Variants in DIPK1A observed in about 807,000 individuals in gnomAD.
DIPK1A encodes the protein family with sequence similarity 69 member A.
DIPK1A carries 27 observed loss-of-function variants against 40.8 expected under a neutral mutation model. The ratio of observed to expected loss-of-function variants is 0.66; its 90% confidence interval spans 0.49 to 0.91. The LOEUF is 0.91. DIPK1A is among the 40% of genes least tolerant of loss of function. DIPK1A has a pLI of 0.00. For synonymous variants in DIPK1A, 166 were observed against 171.3 expected, an observed-to-expected ratio of 0.97 and a Z score of 0.24; for missense variants, 412 against 505.7, an observed-to-expected ratio of 0.81 and a Z score of 1.78.
At chr1:92,840,517 G>A (rs1038622079), downstream of DIPK1A, 2 of 1,530,350 alleles carry the variant, frequency 1.3e-6, no homozygotes, top group Admixed American at 1.7e-5. Flanking sequence ...CACATGAAAT[G>A]AAACCAAGTA....
At chr1:92,852,461 T>C (rs1303329754) in intron 2 of DIPK1A, among the ~76,000 whole-genome samples, 1 of 151,390 alleles carries the variant, frequency 6.6e-6, no homozygotes, top group Non-Finnish European at 1.5e-5. Context: ...GATCACACCA[T>C]TGCACTCCAG....
chr1:92,892,232 A>G (rs1648923892), intron 1 of DIPK1A, among the ~76,000 whole-genome samples: 1 of 152,126 alleles, frequency 6.6e-6, no homozygotes, highest in Admixed American at 6.5e-5. Flanking sequence ...CTGACTCCCG[A>G]GTAGCCTAAC....
chr1:92,897,647 A>G (rs1274124609), intron 1 of DIPK1A, among the ~76,000 whole-genome samples: 1 of 107,068 alleles, frequency 9.3e-6, no homozygotes, highest in African/African-American at 3.8e-5. Flanking sequence ...CCTAAAACTT[A>G]AAGTATAATA....
intron 1 of DIPK1A, among the ~76,000 whole-genome samples, chr1:92,946,337 T>C (rs1651360553): frequency 6.6e-6 from 1 of 152,092 alleles, no homozygotes; most frequent in Admixed American, 6.5e-5. Flanking sequence ...AAAATATAAA[T>C]GTTATCAACT....
intron 2 of DIPK1A, among the ~76,000 whole-genome samples, chr1:92,857,457 G>A (rs1266412373): frequency 6.6e-6 from 1 of 151,774 alleles, no homozygotes; most frequent in Non-Finnish European, 1.5e-5. Flanking sequence ...GAATAGCTAG[G>A]ATTATAGGAA....
chr1:92,945,231 G>A (rs1171702492), intron 1 of DIPK1A, among the ~76,000 whole-genome samples: 1 of 151,958 alleles, frequency 6.6e-6, no homozygotes, highest in Admixed American at 6.6e-5. Context: ...GAAAAAATAA[G>A]GCTATGATAA....
downstream of DIPK1A, among the ~76,000 whole-genome samples, chr1:92,839,847 CT>C (rs539843617): frequency 2.1e-3 from 307 of 146,554 alleles, 6 homozygotes; most frequent in South Asian, 0.034. Flanking sequence ...TGTTTTCTTA[CT>C]TTTTTTTTTT....
At position 92,842,607 on chromosome 1, in the gene DIPK1A, C is replaced by G. The variant is rs1687420248; in HGVS notation, c.*776G>C. On this transcript the variant is annotated 3_prime_UTR_variant, in exon 5 of 5. Transcript: ENST00000370310. ...TCTGCTATAATTTATTTTAGTCTTG[C>G]ACTTACAGTCCCACTTTCACATAGT... 7.5e-6 allele frequency: 7 copies of G among 927,374 alleles called. No homozygotes were observed. The South Asian group carries it at 3.8e-4, about 51-fold the overall frequency. 57.4% of individuals were successfully genotyped at this position (927,374 alleles called of 1,614,324 possible). A position where few individuals can be genotyped will look rare whatever the true frequency, so the allele number is the denominator to read the frequency against.
intron 4 of DIPK1A, chr1:92,834,763 TTC>T (rs774233666): frequency 1.2e-6 from 2 of 1,612,444 alleles, no homozygotes; most frequent in South Asian, 2.2e-5. Flanking sequence ...CTAACCTAGT[TTC>T]TCTCTTACTA....
At chr1:92,924,948 T>C (rs1426194375) in intron 1 of DIPK1A, among the ~76,000 whole-genome samples, 1 of 152,246 alleles carries the variant, frequency 6.6e-6, no homozygotes, top group Non-Finnish European at 1.5e-5. Flanking sequence ...GAAGTCATGT[T>C]GTAGATGCCC....
At chr1:92,939,771 T>C (rs143849086) in intron 1 of DIPK1A, among the ~76,000 whole-genome samples, 137 of 152,224 alleles carry the variant, frequency 9.0e-4, no homozygotes, top group African/African-American at 3.1e-3. Flanking sequence ...CTGGCCAACA[T>C]AGTGAAACCC....
chr1:92,901,304 G>C (rs1287777170), intron 1 of DIPK1A, among the ~76,000 whole-genome samples: 1 of 151,904 alleles, frequency 6.6e-6, no homozygotes, highest in Non-Finnish European at 1.5e-5. Flanking sequence ...TCTGGGAGCA[G>C]GTGTTCAGAG....
chr1:92,942,220 AT>A (rs1158038204), intron 1 of DIPK1A, among the ~76,000 whole-genome samples: 1 of 152,218 alleles, frequency 6.6e-6, no homozygotes, highest in Non-Finnish European at 1.5e-5. Context: ...AGGCTTTTAA[AT>A]TCACCAAACC....
At chr1:92,904,215 A>G (rs935985668) in intron 1 of DIPK1A, among the ~76,000 whole-genome samples, 3 of 152,200 alleles carry the variant, frequency 2.0e-5, no homozygotes, top group Non-Finnish European at 1.5e-5. Flanking sequence ...AATTGCACTG[A>G]GACTATTTCT....
intron 1 of DIPK1A, among the ~76,000 whole-genome samples, chr1:92,894,076 C>T (rs975909477): frequency 6.6e-6 from 1 of 152,030 alleles, no homozygotes; most frequent in African/African-American, 2.4e-5. Flanking sequence ...ACCCCACTGT[C>T]AACATTAGAC....
intron 1 of DIPK1A, among the ~76,000 whole-genome samples, chr1:92,921,582 A>T (rs1045761380): frequency 2.0e-5 from 3 of 152,222 alleles, no homozygotes; most frequent in African/African-American, 7.2e-5. Context: ...AACCTGGCTC[A>T]GTGGGAGAGC....
At chr1:92,865,319 T>C (rs1468714900) in intron 2 of DIPK1A, among the ~76,000 whole-genome samples, 1 of 151,358 alleles carries the variant, frequency 6.6e-6, no homozygotes, top group Non-Finnish European at 1.5e-5. Context: ...GCTATGATCC[T>C]GCCACTACAC....
intron 1 of DIPK1A, among the ~76,000 whole-genome samples, chr1:92,916,062 G>C (rs1194059483): frequency 1.3e-5 from 2 of 152,086 alleles, no homozygotes; most frequent in African/African-American, 4.8e-5. Context: ...TCTAGAACAG[G>C]CAAATCCATA....
At chr1:92,945,887 T>C (rs1651342210) in intron 1 of DIPK1A, among the ~76,000 whole-genome samples, 1 of 152,230 alleles carries the variant, frequency 6.6e-6, no homozygotes. Flanking sequence ...GGAGAAACTG[T>C]GGCCGATGGA....
Sources: allele counts gnomAD v4.1 joint callset (sites outside exome capture counted in the v4.1 genomes callset), GRCh38; gene constraint gnomAD v4.1.1; transcripts MANE v1.5; gene names NCBI Gene and HGNC (gene_info 2026-07-23, HGNC 2026-07-21).